The following OPA1 variants were observed in gnomAD, a reference collection of about 807,000 sequenced individuals.
OPA1 encodes OPA1 mitochondrial dynamin like GTPase, also known as dynamin-like GTPase OPA1, mitochondrial.
OPA1 carries 59 observed loss-of-function variants against 152.9 expected under a neutral mutation model. The ratio of observed to expected loss-of-function variants is 0.39; its 90% CI spans 0.31 to 0.48. The LOEUF is 0.48. Ranked by LOEUF, OPA1 falls within the 20% of genes least tolerant of loss-of-function variation. The pLI is 0.96. For missense variants in OPA1, 1,008 were observed against 1,216.8 expected (o/e 0.83, Z 2.55); for synonymous variants, 400 against 389.9 (o/e 1.03, Z -0.31).
chr3:193,675,821 A>G (rs1429926716), intron 29 of OPA1, among the ~76,000 whole-genome samples: 2 of 152,228 alleles, frequency 1.3e-5, no homozygotes, highest in African/African-American at 2.4e-5. Context: ...TGTACTGTAC[A>G]CATTTACTGA....
chr3:193,674,590 A>G (rs923008370), intron 29 of OPA1, among the ~76,000 whole-genome samples: 1 of 152,232 alleles, frequency 6.6e-6, no homozygotes, highest in African/African-American at 2.4e-5. Context: ...AGAAATCTCT[A>G]TGCCATGTGG....
At chr3:193,643,135 T>C in intron 13 of OPA1, 86 bp downstream of exon 13, 1 of 1,115,554 alleles carries the variant, frequency 9.0e-7, no homozygotes, top group Non-Finnish European at 1.3e-6. Flanking sequence ...GTATTGATGT[T>C]TAGATTGCTG....
intron 7 of OPA1, among the ~76,000 whole-genome samples, chr3:193,629,266 C>T (rs753704601): frequency 4.6e-5 from 7 of 152,010 alleles, no homozygotes; most frequent in Admixed American, 2.0e-4. Flanking sequence ...TTAAACTAAG[C>T]GGAGAGGAAA....
At chr3:193,664,841 A>G (rs758995337) in intron 26 of OPA1, 39 bp from the exon 27 acceptor site, 4 of 1,068,000 alleles carry the variant, frequency 3.7e-6, no homozygotes, top group Admixed American at 3.4e-5. Context: ...AACATGAAGA[A>G]TATACAGTAA....
intron 1 of OPA1, among the ~76,000 whole-genome samples, chr3:193,610,185 T>C (rs1727977999): frequency 6.6e-6 from 1 of 152,214 alleles, no homozygotes; most frequent in Admixed American, 6.5e-5. Context: ...CTTTGGTCTT[T>C]GATGATGGTG....
At chr3:193,668,719 G>A in intron 29 of OPA1, 1 of 1,322,064 alleles carries the variant, frequency 7.6e-7, no homozygotes, top group Non-Finnish European at 9.8e-7. Context: ...AACACCTGCA[G>A]TAGGCTACCA....
intron 1 of OPA1, among the ~76,000 whole-genome samples, chr3:193,606,665 A>G (rs1433276681): frequency 2.0e-5 from 3 of 152,072 alleles, no homozygotes; most frequent in Non-Finnish European, 4.4e-5. Flanking sequence ...CCAGTCTATC[A>G]TTGTTGGACA....
At chr3:193,668,824 G>C (rs1265539111) in intron 29 of OPA1, 3 of 1,137,970 alleles carry the variant, frequency 2.6e-6, no homozygotes, top group Admixed American at 8.2e-5. Flanking sequence ...TAGGTTCCTA[G>C]CTTTAAGATA....
rs1272029880 is a variant in OPA1 at position 193,697,726 on chromosome 3, C to T, written c.*3126C>T. On this transcript the variant is annotated 3_prime_UTR_variant, in exon 31 of 31. Transcript: ENST00000361510. ...TTCACAGTTGTACTCCATGGTCAAC[C>T]GGTGCTTTTTTTCACATCGTGGTAC... The T allele has an allele frequency of 6.6e-6, 1 of 152,064 alleles. No individual in the cohort carries two copies. Among genetic ancestry groups the T allele is most frequent in the East Asian group, 1.9e-4 (1 of 5,196 alleles). 9.4% of individuals were successfully genotyped at this position (152,064 alleles called of 1,614,324 possible). A position where few individuals can be genotyped will look rare whatever the true frequency, so the allele number is the denominator to read the frequency against.
intron 7 of OPA1, among the ~76,000 whole-genome samples, chr3:193,629,890 C>T (rs1731804071): frequency 6.6e-6 from 1 of 152,052 alleles, no homozygotes; most frequent in Non-Finnish European, 1.5e-5. Flanking sequence ...TGCATGAAGT[C>T]AGTTAGTATT....
chr3:193,632,511 A>G (rs376603630), intron 8 of OPA1, among the ~76,000 whole-genome samples: 1 of 151,942 alleles, frequency 6.6e-6, no homozygotes, highest in African/African-American at 2.4e-5. Flanking sequence ...CTATTACTCA[A>G]TCATCAGTTT....
chr3:193,604,977 T>C (rs1298790830), intron 1 of OPA1, among the ~76,000 whole-genome samples: 1 of 152,182 alleles, frequency 6.6e-6, no homozygotes, highest in Non-Finnish European at 1.5e-5. Flanking sequence ...CGGGCACTCC[T>C]TAATAGGAGA....
At chr3:193,685,443 C>G (rs1357937878) in intron 29 of OPA1, among the ~76,000 whole-genome samples, 2 of 152,110 alleles carry the variant, frequency 1.3e-5, no homozygotes, top group Non-Finnish European at 2.9e-5. Context: ...CACAAAATAG[C>G]AATTTTTAAA....
chr3:193,614,169 A>C (rs1442586597), intron 1 of OPA1, among the ~76,000 whole-genome samples: 1 of 152,320 alleles, frequency 6.6e-6, no homozygotes, highest in Middle Eastern at 3.4e-3. Context: ...GGGATTGATT[A>C]ACTTCCTTAA....
At chr3:193,617,345 T>C in intron 4 of OPA1, 60 bp downstream of exon 4, 4 of 952,910 alleles carry the variant, frequency 4.2e-6, no homozygotes. Flanking sequence ...GAAAAATACA[T>C]GGATTATTTG....
At position 193,696,633 on chromosome 3, in the gene OPA1, C is replaced by G. The variant is rs1239183641; in HGVS notation, c.*2033C>G. 3 of 152,116 alleles carry G rather than the reference C, an allele frequency of 2.0e-5. No homozygotes were observed. The highest frequency in any genetic ancestry group is 7.2e-5 in the African/African-American group (3 of 41,416). The allele number at this position is 152,116 out of a possible 1,614,324, so 9.4% of individuals were successfully genotyped here. A position where few individuals can be genotyped will look rare whatever the true frequency, so the allele number is the denominator to read the frequency against. On this transcript the variant is annotated 3_prime_UTR_variant, in exon 31 of 31. Transcript: ENST00000361510. ...TAAAATTCAGTCTCAAGAGTAAACC[C>G]TGTGTCTTGTGTCTGTAGTTCAAAA...
intron 7 of OPA1, among the ~76,000 whole-genome samples, chr3:193,630,603 GATC>G (rs901440087): frequency 9.2e-5 from 14 of 152,072 alleles, no homozygotes; most frequent in Non-Finnish European, 2.9e-5. Flanking sequence ...AATGAATGAA[GATC>G]AACAAGGATT....
chr3:193,599,132 C>T (rs1200288965), intron 1 of OPA1, among the ~76,000 whole-genome samples: 2 of 152,178 alleles, frequency 1.3e-5, no homozygotes, highest in African/African-American at 4.8e-5. Flanking sequence ...AATAAGATCA[C>T]CTTTTTGTTC....
At chr3:193,666,726 G>A (rs1040312845) in intron 28 of OPA1, among the ~76,000 whole-genome samples, 7 of 151,924 alleles carry the variant, frequency 4.6e-5, no homozygotes, top group African/African-American at 1.5e-4. Flanking sequence ...GGATTTTGAG[G>A]CTACAATGAG....
Sources: gnomAD v4.1 joint callset for allele counts (sites outside exome capture counted in the v4.1 genomes callset) on GRCh38, gnomAD v4.1.1 for gene constraint, MANE v1.5 for transcripts, NCBI Gene and HGNC (gene_info 2026-07-23, HGNC 2026-07-21) for gene names.